Variants in ANKRD13B observed in about 807,000 individuals in gnomAD.
ANKRD13B encodes the protein ankyrin repeat domain-containing protein 13B.
In ANKRD13B, 33 loss-of-function variants were observed where a neutral mutation model predicts 74.4. That is an observed-to-expected ratio of 0.44 (90% confidence interval 0.34 to 0.59). ANKRD13B has a LOEUF of 0.59. ANKRD13B is among the 20% of genes least tolerant of loss of function. The probability of loss-of-function intolerance (pLI) is 0.02; values close to 1 mark genes in which losing one functional copy is unlikely to be tolerated. For synonymous variants in ANKRD13B, 341 were observed against 362.9 expected (o/e 0.94, Z 0.68); for missense variants, 676 against 877.9 (o/e 0.77, Z 2.91).
chr17:29,594,769 G>A (rs79872689), intron 1 of ANKRD13B, among the ~76,000 whole-genome samples: 10,291 of 152,232 alleles, frequency 0.068, 456 homozygotes, highest in South Asian at 0.14. Context: ...GGTGGTTAGC[G>A]CAGTTGCCCG....
intron 1 of ANKRD13B, among the ~76,000 whole-genome samples, chr17:29,600,289 G>C (rs886880594): frequency 6.6e-6 from 1 of 152,178 alleles, no homozygotes; most frequent in Non-Finnish European, 1.5e-5. Context: ...GGGAGCTCAG[G>C]GATGTGTGGG....
intron 1 of ANKRD13B, among the ~76,000 whole-genome samples, chr17:29,596,796 C>T (rs2033970109): frequency 6.6e-6 from 1 of 152,334 alleles, no homozygotes; most frequent in East Asian, 1.9e-4. Context: ...GGATGTGGGG[C>T]ATCACCACAG....
chr17:29,612,421 C>T lies in ANKRD13B; in HGVS notation c.1278C>T (p.Ile426=), dbSNP rs1248666372. The stretch of plus-strand genomic sequence containing the variant: ...CCTCAGAAATCCCGATCTTCCACAT[C>T]CTCAACGCCCGCATCACCTTCGGGA... The part of the protein sequence containing the change: ...PVKIEIPIFH[I]LNARITFGNL... The change falls in exon 12 of 15, where the codon ATC becomes ATT. Residue 426 remains isoleucine, a synonymous_variant. Transcript: ENST00000394859. The surrounding 1 kb of genome is among the most constrained non-coding windows in gnomAD (Gnocchi z 6.1). 3 of 1,611,816 alleles carry T rather than the reference C, an allele frequency of 1.9e-6. No homozygotes were observed. Among genetic ancestry groups the T allele is most frequent in the South Asian group, 1.1e-5 (1 of 90,654 alleles).
At position 29,612,198 on chromosome 17, in the gene ANKRD13B, G is replaced by A. The variant is rs1015181753; in HGVS notation, c.1183G>A (p.Val395Ile). The A allele has an allele frequency of 8.1e-6, 13 of 1,614,030 alleles. No individual in the cohort carries two copies. Among genetic ancestry groups the A allele is most frequent in the Middle Eastern group, 1.6e-4 (1 of 6,084 alleles). ...GGCCCCCATCATTGACCTCATGGCC[G>A]TCAGCAATGCGCTTTTTGCCAAGCT... is the stretch of plus-strand genomic sequence containing the variant. ...QVAPIIDLMAVSNALFAKLRD... is the reference protein window; with the variant it reads ...QVAPIIDLMAISNALFAKLRD... The change falls in exon 11 of 15, where the codon GTC becomes ATC. Residue 395 changes from valine to isoleucine, a missense_variant. This residue lies in a region of ANKRD13B where 328 missense variants were observed against 518.4 expected (regional missense o/e 0.63). Transcript: ENST00000394859. This position sits in a 1 kb window ranked among gnomAD's most constrained non-coding sequence, Gnocchi z 6.1.
At position 29,610,750 on chromosome 17, in the gene ANKRD13B, C is replaced by T; in HGVS notation, c.888C>T (p.His296=). The T allele has an allele frequency of 6.2e-7, 1 of 1,613,924 alleles. No individual in the cohort carries two copies. Among genetic ancestry groups the T allele is most frequent in the Non-Finnish European group, 8.5e-7 (1 of 1,179,882 alleles). The change falls in exon 8 of 15, where the codon CAC becomes CAT. Residue 296 remains histidine (H), a synonymous_variant. Transcript: ENST00000394859. The part of the protein sequence containing the change: ...RTRTEHLSEQ[H]KGKVKGCKTP... ...GGACAGAACATCTTTCAGAACAGCA[C>T]AAGGGCAAGGTCAAAGGTAATGAGG...
Position 29,613,729 on chromosome 17 carries a change from G to A in ANKRD13B, c.*147G>A. 5 of 1,292,222 alleles carry A rather than the reference G, an allele frequency of 3.9e-6. No homozygotes were observed. In the East Asian group the frequency reaches 9.3e-5, roughly 24 times the overall value. The allele number at this position is 1,292,222 out of a possible 1,614,324, so 80.0% of individuals were successfully genotyped here. A position where few individuals can be genotyped will look rare whatever the true frequency, so the allele number is the denominator to read the frequency against. On this transcript the variant is annotated 3_prime_UTR_variant, in exon 15 of 15. Transcript: ENST00000394859. The stretch of plus-strand genomic sequence containing the variant: ...TGCAGCAGCACAGCAGGCACGGTTC[G>A]GGGAGGGATTCGGCATGGCCGCGGG...
Position 29,611,900 on chromosome 17 carries a change from C to A in ANKRD13B, c.994C>A (p.Gln332Lys). The A allele has an allele frequency of 1.2e-6, 2 of 1,613,246 alleles. No individual in the cohort carries two copies. The highest frequency in any genetic ancestry group is 2.2e-5 in the South Asian group (2 of 90,960). The change falls in exon 10 of 15, where the codon CAA becomes AAA. Residue 332 changes from glutamine (Q) to lysine (K), a missense_variant. By Grantham distance (53) the Gln-to-Lys change is moderately conservative. Around this residue, in one of 4 missense-constraint regions of ANKRD13B, gnomAD observed 328 missense variants for 518.4 expected, o/e 0.63. Transcript: ENST00000394859. This position sits in a 1 kb window ranked among gnomAD's most constrained non-coding sequence, Gnocchi z 4.3. Reference protein sequence around the residue: ...NGTLITQTLSQANPTAITAEE... With the variant: ...NGTLITQTLSKANPTAITAEE... Reference sequence around the variant, plus strand: ...GACCCTGATCACTCAGACTCTGAGCCAAGCCAACCCCACTGCCATCACTGC... The same window carrying A: ...GACCCTGATCACTCAGACTCTGAGCAAAGCCAACCCCACTGCCATCACTGC...
intron 1 of ANKRD13B, among the ~76,000 whole-genome samples, chr17:29,594,950 G>C (rs935338871): frequency 2.6e-5 from 4 of 152,212 alleles, no homozygotes; most frequent in African/African-American, 9.6e-5. Context: ...CCCCAGGCCT[G>C]CATGGCATCC....
rs752970572 is a variant in ANKRD13B at position 29,607,783 on chromosome 17, G to A, written c.156G>A (p.Leu52=). The change falls in exon 2 of 15, where the codon CTG becomes CTA. Residue 52 remains leucine (L), a synonymous_variant. Coordinates refer to ENST00000394859, the MANE Select transcript of ANKRD13B (RefSeq NM_152345.5). ...TGGATCCCCGCGGCCGGACTCCCCT[G>A]CACCTGGCCACCACGCTGGGGCACC... is the stretch of plus-strand genomic sequence containing the variant. ...EQLDPRGRTP[L]HLATTLGHLE... is the part of the protein sequence containing the mutation. The A allele has an allele frequency of 2.5e-6, 4 of 1,602,736 alleles. No homozygotes were observed. Among genetic ancestry groups the A allele is most frequent in the Non-Finnish European group, 2.5e-6 (3 of 1,179,790 alleles).
chr17:29,594,029 T>C (rs527683671), intron 1 of ANKRD13B: 1 of 178,530 alleles, frequency 5.6e-6, no homozygotes, highest in East Asian at 1.4e-4. Flanking sequence ...CGGTGTTCCA[T>C]GTGGTGGGAG....
At chr17:29,610,581 C>T (rs949962277) in intron 7 of ANKRD13B, 104 bp from the exon 8 acceptor site, 91 of 849,088 alleles carry the variant, frequency 1.1e-4, no homozygotes, top group Non-Finnish European at 1.5e-4. Flanking sequence ...GAAGCAGAGT[C>T]TCTCCAGGAC....
chr17:29,604,547 C>CTTTTT (rs555021703), intron 1 of ANKRD13B, among the ~76,000 whole-genome samples: 1 of 133,868 alleles, frequency 7.5e-6, no homozygotes, highest in African/African-American at 2.9e-5. Context: ...CTTTTCTTTT[C>CTTTTT]TTTTTTTTTT....
chr17:29,607,840 C>T lies in ANKRD13B; in HGVS notation c.213C>T (p.Gly71=), dbSNP rs760158552. ...GTGCCCGTGTGCTCCTGGCGCACGG[C>T]GCAGACGTGGGCAGGGAGAATCGCA... ...LECARVLLAH[G]ADVGRENRSG... Residue 71 remains glycine (G), a synonymous_variant, in exon 2 of 15, where the codon GGC becomes GGT. Coordinates refer to ENST00000394859, the MANE Select transcript of ANKRD13B (RefSeq NM_152345.5). 2.4e-5 allele frequency: 38 copies of T among 1,604,226 alleles called. No homozygotes were observed. The Admixed American group carries it at 2.8e-4, about 12-fold the overall frequency.
intron 1 of ANKRD13B, among the ~76,000 whole-genome samples, chr17:29,603,415 GTTGTTTTGTT>G (rs887492187): frequency 1.3e-5 from 2 of 152,070 alleles, no homozygotes; most frequent in South Asian, 2.1e-4. Context: ...TAATGTAAAA[GTTGTTTTGTT>G]TTGTTTTGTT....
Position 29,613,706 on chromosome 17 carries a change from C to A in ANKRD13B, c.*124C>A. The A allele has an allele frequency of 7.5e-7, 1 of 1,339,680 alleles. No individual in the cohort carries two copies. The highest frequency in any genetic ancestry group is 9.6e-7 in the Non-Finnish European group (1 of 1,038,786). The allele number at this position is 1,339,680 out of a possible 1,614,324, so 83.0% of individuals were successfully genotyped here. On this transcript the variant is annotated 3_prime_UTR_variant, in exon 15 of 15. Transcript: ENST00000394859. ...GACTGGAGCCACCGCCTCGCGGGTG[C>A]AGCAGCACAGCAGGCACGGTTCGGG...
In ANKRD13B at chr17:29,607,611, T is replaced by C. The variant is rs2034434184; in HGVS notation, c.115-131T>C. The stretch of plus-strand genomic sequence containing the variant: ...CCATAGTGTCTGTCTTTCCGTTGCC[T>C]TGTGAGGTTGGTGAGGCAGAGCAGC... On this transcript the variant is annotated intron_variant, in intron 1 of 14. Transcript: ENST00000394859. 2.3e-6 allele frequency: 3 copies of C among 1,291,612 alleles called. No individual in the cohort carries two copies. The South Asian group carries it at 4.4e-5, about 19-fold the overall frequency. 80.0% of individuals were successfully genotyped at this position (1,291,612 alleles called of 1,614,324 possible).
intron 1 of ANKRD13B, among the ~76,000 whole-genome samples, chr17:29,607,052 C>CA (rs201249702): frequency 1.2e-4 from 18 of 149,986 alleles, no homozygotes; most frequent in African/African-American, 2.9e-4. Context: ...TCCGTCCCCC[C>CA]AAAAAAAACA....
Position 29,612,525 on chromosome 17 carries a change from C to A in ANKRD13B, c.1382C>A (p.Ser461Tyr), listed in dbSNP as rs748634943. Residue 461 changes from serine to tyrosine, a missense_variant, in exon 12 of 15, where the codon TCC becomes TAC. Ser to Tyr is a moderately radical substitution (Grantham distance 144, BLOSUM62 -2). This residue lies in a region of ANKRD13B where 152 missense variants were observed against 181.4 expected (regional missense o/e 0.84). Transcript: ENST00000394859. This position sits in a 1 kb window ranked among gnomAD's most constrained non-coding sequence, Gnocchi z 6.1. Reference sequence around the variant, plus strand: ...GAGACGCCTTCCCCAGGCAGCGACTCCTCCAGCGTCAGCAGCTCCAGCTCC... The same window carrying A: ...GAGACGCCTTCCCCAGGCAGCGACTACTCCAGCGTCAGCAGCTCCAGCTCC... Reference protein sequence around the residue: ...SSETPSPGSDSSSVSSSSSTT... With the variant: ...SSETPSPGSDYSSVSSSSSTT... The A allele has an allele frequency of 1.9e-5, 30 of 1,570,162 alleles. No homozygotes were observed. Among genetic ancestry groups the A allele is most frequent in the Non-Finnish European group, 2.6e-5 (30 of 1,157,696 alleles).
At chr17:29,602,366 G>A (rs914446509) in intron 1 of ANKRD13B, among the ~76,000 whole-genome samples, 1 of 146,078 alleles carries the variant, frequency 6.8e-6, no homozygotes. Context: ...CTGCACTCCA[G>A]CCTGGGCGAC....
Sources: gnomAD v4.1 joint callset for allele counts (sites outside exome capture counted in the v4.1 genomes callset) on GRCh38, gnomAD v4.1.1 for gene constraint, gnomAD v4.1.1 regional missense constraint, Gnocchi (gnomAD v3.1) non-coding constraint, MANE v1.5 for transcripts, NCBI Gene and HGNC (gene_info 2026-07-23, HGNC 2026-07-21) for gene names.